EDIL3: variants seen among roughly 807,000 people sequenced by gnomAD.
EDIL3 encodes the protein EGF-like repeat and discoidin I-like domain-containing protein 3.
A neutral mutation model predicts 67.4 loss-of-function variants in EDIL3; 37 were observed. The ratio of observed to expected loss-of-function variants is 0.55; its 90% CI spans 0.42 to 0.72. The LOEUF (loss-of-function observed/expected upper bound fraction) is 0.72, where lower values mean the gene tolerates loss of function less well. EDIL3 is among the 30% of genes least tolerant of loss of function. The pLI, the probability that EDIL3 is intolerant of heterozygous loss-of-function variation, is 0.00. For missense variants in EDIL3, 527 were observed against 586.3 expected, an observed-to-expected ratio of 0.90 and a Z score of 1.04; for synonymous variants, 195 against 196.3, an observed-to-expected ratio of 0.99 and a Z score of 0.05.
At chr5:84,348,603 A>T (rs1476617927) in intron 1 of EDIL3, among the ~76,000 whole-genome samples, 1 of 152,070 alleles carries the variant, frequency 6.6e-6, no homozygotes, top group Non-Finnish European at 1.5e-5. Flanking sequence ...CAAAAAAAAA[A>T]AAAAACACCT....
intron 1 of EDIL3, among the ~76,000 whole-genome samples, chr5:84,289,501 A>G (rs1380832738): frequency 6.6e-6 from 1 of 152,098 alleles, no homozygotes; most frequent in Non-Finnish European, 1.5e-5. Context: ...AAATCATCAC[A>G]AACACTTCCT....
intron 5 of EDIL3, among the ~76,000 whole-genome samples, chr5:84,110,368 T>C (rs915165928): frequency 1.3e-5 from 2 of 152,106 alleles, no homozygotes; most frequent in African/African-American, 2.4e-5. Context: ...TCAACAGTTA[T>C]AAAAACCAGT....
chr5:84,095,641 A>G (rs1332279590), intron 6 of EDIL3, among the ~76,000 whole-genome samples: 2 of 152,188 alleles, frequency 1.3e-5, no homozygotes, highest in African/African-American at 4.8e-5. Context: ...CAAGAGCTGT[A>G]TTGGGTGCTG....
chr5:84,254,129 G>C lies in EDIL3; in HGVS notation c.151C>G (p.Pro51Ala). Residue 51 changes from proline to alanine, a missense_variant, in exon 2 of 11, where the codon CCA becomes GCA. Transcript: ENST00000296591. ...CAGTTGGGGTCTGTGAAGCCATCTG[G>C]ACACTCACAGGAAAAGGAACCATCA... ...LADGSFSCECPDGFTDPNCSS... is the reference protein window; with the variant it reads ...LADGSFSCECADGFTDPNCSS... 1 of 1,612,722 alleles carries C rather than the reference G, an allele frequency of 6.2e-7. No homozygotes were observed. The highest frequency in any genetic ancestry group is 1.3e-5 in the African/African-American group (1 of 74,924).
chr5:83,987,546 T>C (rs1745075612), intron 9 of EDIL3, among the ~76,000 whole-genome samples: 1 of 152,168 alleles, frequency 6.6e-6, no homozygotes, highest in Non-Finnish European at 1.5e-5. Flanking sequence ...TTAGGTGTGC[T>C]AGAAAATGCA....
chr5:84,150,719 T>A (rs1311875159), intron 4 of EDIL3, among the ~76,000 whole-genome samples: 1 of 152,098 alleles, frequency 6.6e-6, no homozygotes, highest in Non-Finnish European at 1.5e-5. Flanking sequence ...CATGTGACAG[T>A]TTTTCAAATA....
At chr5:84,056,015 G>A (rs1746439157) in intron 9 of EDIL3, among the ~76,000 whole-genome samples, 1 of 152,142 alleles carries the variant, frequency 6.6e-6, no homozygotes, top group Non-Finnish European at 1.5e-5. Flanking sequence ...GCACACGTAT[G>A]TTTATTGCAG....
At chr5:84,337,863 G>A (rs1747022063) in intron 1 of EDIL3, among the ~76,000 whole-genome samples, 1 of 152,024 alleles carries the variant, frequency 6.6e-6, no homozygotes, top group Non-Finnish European at 1.5e-5. Flanking sequence ...CTATGCAAAA[G>A]CTATGAGGTT....
At chr5:84,073,365 G>C (rs1484153934) in intron 6 of EDIL3, among the ~76,000 whole-genome samples, 1 of 152,216 alleles carries the variant, frequency 6.6e-6, no homozygotes, top group East Asian at 1.9e-4. Context: ...GGAAGGAGAA[G>C]GAAATAAAGT....
chr5:83,967,099 T>C (rs549728111), intron 9 of EDIL3, among the ~76,000 whole-genome samples: 1 of 152,190 alleles, frequency 6.6e-6, no homozygotes, highest in Admixed American at 6.5e-5. Flanking sequence ...GAGAGGCAGA[T>C]GGTTTGAGCT....
chr5:84,205,640 G>C (rs541431045), intron 3 of EDIL3, among the ~76,000 whole-genome samples: 3 of 151,930 alleles, frequency 2.0e-5, no homozygotes, highest in African/African-American at 7.2e-5. Flanking sequence ...TTTAGTCTTG[G>C]GAGAGTGTAT....
At chr5:84,090,729 C>T (rs565096413) in intron 6 of EDIL3, among the ~76,000 whole-genome samples, 18 of 151,840 alleles carry the variant, frequency 1.2e-4, no homozygotes, top group Non-Finnish European at 1.8e-4. Context: ...GGGTGGATCA[C>T]GAGCTCAAGA....
chr5:84,185,694 G>GCTT (rs1357320825), intron 3 of EDIL3, among the ~76,000 whole-genome samples: 5 of 151,988 alleles, frequency 3.3e-5, no homozygotes, highest in Admixed American at 6.6e-5. Context: ...CACCTTTCAA[G>GCTT]CTTCTAGTCC....
chr5:83,957,719 G>C (rs1744538750), intron 10 of EDIL3, among the ~76,000 whole-genome samples: 1 of 151,682 alleles, frequency 6.6e-6, no homozygotes, highest in Non-Finnish European at 1.5e-5. Context: ...TAATCTATGT[G>C]CTACTTCTTC....
At chr5:84,168,830 A>G (rs1265297993) in intron 4 of EDIL3, among the ~76,000 whole-genome samples, 1 of 152,162 alleles carries the variant, frequency 6.6e-6, no homozygotes, top group African/African-American at 2.4e-5. Flanking sequence ...ATCATTCTCC[A>G]AATAGAAATT....
At position 83,942,156 on chromosome 5, in the gene EDIL3, CAT is replaced by C. The variant is rs1444578697; in HGVS notation, c.*1261_*1262del. On this transcript the variant is annotated 3_prime_UTR_variant, in exon 11 of 11. Coordinates refer to ENST00000296591, the MANE Select transcript of EDIL3 (RefSeq NM_005711.5). ...GCAGTGTGAGCTTTAATTTGAGAGA[CAT>C]GTCAATGAAACCTCCAGTATCAATA... 2 of 151,972 alleles carry C rather than the reference CAT, an allele frequency of 1.3e-5. No homozygotes were observed. The highest frequency in any genetic ancestry group is 2.9e-5 in the Non-Finnish European group (2 of 67,934). 9.4% of individuals were successfully genotyped at this position (151,972 alleles called of 1,614,324 possible).
At chr5:84,255,341 A>G (rs2112077817) in intron 1 of EDIL3, among the ~76,000 whole-genome samples, 1 of 152,294 alleles carries the variant, frequency 6.6e-6, no homozygotes, top group East Asian at 1.9e-4. Context: ...TTCTCAGCTA[A>G]ATAAAAGGGC....
chr5:84,267,123 G>A (rs1745366605), intron 1 of EDIL3, among the ~76,000 whole-genome samples: 1 of 152,182 alleles, frequency 6.6e-6, no homozygotes, highest in African/African-American at 2.4e-5. Flanking sequence ...AAATCTGTGT[G>A]TTGGAATGGT....
chr5:84,329,363 A>G (rs1356204242), intron 1 of EDIL3, among the ~76,000 whole-genome samples: 1 of 152,096 alleles, frequency 6.6e-6, no homozygotes, highest in Non-Finnish European at 1.5e-5. Context: ...TTTTTTCAAG[A>G]TAAACAATTT....
Sources: allele counts gnomAD v4.1 joint callset (sites outside exome capture counted in the v4.1 genomes callset), GRCh38; gene constraint gnomAD v4.1.1; transcripts MANE v1.5; gene names NCBI Gene and HGNC (gene_info 2026-07-23, HGNC 2026-07-21).